CUL2: variants seen among roughly 807,000 people sequenced by gnomAD.
CUL2 encodes the protein cullin 2, also known as cullin-2.
In CUL2, 22 loss-of-function variants were observed where a neutral mutation model predicts 110.2. The observed-to-expected ratio is 0.20, with a 90% CI of 0.14 to 0.28. The LOEUF is 0.28. CUL2 is among the 10% of genes least tolerant of loss of function. The pLI is 1.00. For synonymous variants in CUL2, 279 were observed against 293.2 expected (o/e 0.95, Z 0.49); for missense variants, 631 against 905.5 (o/e 0.70, Z 3.89).
chr10:35,016,148 T>A (rs370753194), intron 18 of CUL2, 44 bp downstream of exon 18: 1 of 1,514,750 alleles, frequency 6.6e-7, no homozygotes, highest in African/African-American at 1.4e-5. Context: ...TGAAAAAGCT[T>A]TAATGCTGAT....
intron 5 of CUL2, among the ~76,000 whole-genome samples, chr10:35,050,465 T>C (rs983138801): frequency 1.3e-5 from 2 of 152,204 alleles, no homozygotes; most frequent in Non-Finnish European, 2.9e-5. Flanking sequence ...TTTTTTTAAT[T>C]ATGAAAAATT....
At chr10:35,120,229 C>T (rs1589073540) in intron 1 of CUL2, among the ~76,000 whole-genome samples, 1 of 152,138 alleles carries the variant, frequency 6.6e-6, no homozygotes, top group East Asian at 1.9e-4. Context: ...ATTGTCATGC[C>T]AGGCTGGGCA....
intron 8 of CUL2, among the ~76,000 whole-genome samples, chr10:35,040,362 T>C (rs1438881421): frequency 2.0e-5 from 3 of 152,074 alleles, no homozygotes; most frequent in African/African-American, 7.2e-5. Flanking sequence ...AACAACAACA[T>C]ATACACAGAC....
chr10:35,021,436 T>A (rs1588954320), intron 17 of CUL2, among the ~76,000 whole-genome samples: 1 of 151,432 alleles, frequency 6.6e-6, no homozygotes, highest in East Asian at 1.9e-4. Context: ...TATGTATGTA[T>A]ATATATACAC....
intron 2 of CUL2, among the ~76,000 whole-genome samples, chr10:35,069,446 T>A (rs987318493): frequency 6.6e-6 from 1 of 151,710 alleles, no homozygotes; most frequent in Non-Finnish European, 1.5e-5. Flanking sequence ...GAGGCTGAGA[T>A]AGGAGGATCT....
intron 1 of CUL2, among the ~76,000 whole-genome samples, chr10:35,119,643 A>ACTG: frequency 6.6e-6 from 1 of 151,752 alleles, no homozygotes; most frequent in Non-Finnish European, 1.5e-5. Context: ...TCCAGGTTAC[A>ACTG]GTCCAGTGGT....
At position 35,016,081 on chromosome 10, in the gene CUL2, G is replaced by A. The variant is rs1041561643; in HGVS notation, c.1887+111C>T. ...GCGTACAGTAACGTAGTGAATACAA[G>A]TGCTTTCCAGAGCACAATAACAATT... On this transcript the variant is annotated intron_variant, in intron 18 of 20. Coordinates refer to ENST00000374749, the MANE Select transcript of CUL2 (RefSeq NM_003591.4). The A allele has an allele frequency of 9.3e-6, 8 of 855,872 alleles. No individual in the cohort carries two copies. The African/African-American group carries it at 1.4e-4, about 14-fold the overall frequency. The allele number at this position is 855,872 out of a possible 1,614,324, so 53.0% of individuals were successfully genotyped here. A position where few individuals can be genotyped will look rare whatever the true frequency, so the allele number is the denominator to read the frequency against.
intron 4 of CUL2, among the ~76,000 whole-genome samples, chr10:35,059,223 G>A (rs1205423693): frequency 1.3e-5 from 2 of 152,184 alleles, no homozygotes; most frequent in Non-Finnish European, 2.9e-5. Flanking sequence ...AATTTCGTAA[G>A]AATTTCTACT....
intron 18 of CUL2, among the ~76,000 whole-genome samples, chr10:35,015,221 A>G (rs993956606): frequency 5.3e-5 from 8 of 150,404 alleles, no homozygotes; most frequent in Non-Finnish European, 1.2e-4. Flanking sequence ...TGAACCCAGG[A>G]GGTGGAGGTT....
At chr10:35,045,885 T>A (rs2085925851) in intron 6 of CUL2, among the ~76,000 whole-genome samples, 1 of 152,206 alleles carries the variant, frequency 6.6e-6, no homozygotes, top group Non-Finnish European at 1.5e-5. Context: ...TAAAATAATT[T>A]CTTCTTTGCA....
Position 35,033,218 on chromosome 10 carries a change from A to C in CUL2, c.1058T>G (p.Leu353Arg). 3 of 1,613,836 alleles carry C rather than the reference A, an allele frequency of 1.9e-6. No individual in the cohort carries two copies. The highest frequency in any genetic ancestry group is 2.5e-6 in the Non-Finnish European group (3 of 1,179,914). The stretch of plus-strand genomic sequence containing the variant: ...ATCACCATTCAAAACAGTGTTGATA[A>C]GCTGAACAAATTTACCATGCACTTC... ...VLEVHGKFVQ[L>R]INTVLNGDQH... The change falls in exon 11 of 21, where the codon CTT becomes CGT. Residue 353 changes from leucine (L) to arginine (R), a missense_variant. Coordinates refer to ENST00000374749, the MANE Select transcript of CUL2 (RefSeq NM_003591.4).
chr10:35,099,578 A>C (rs1306939383), intron 2 of CUL2: 1 of 152,050 alleles, frequency 6.6e-6, no homozygotes, highest in Non-Finnish European at 1.5e-5. Context: ...TAGCTTAGTC[A>C]ACGTGGTGAA....
At chr10:35,117,070 A>G (rs1023037191) in intron 1 of CUL2, among the ~76,000 whole-genome samples, 1 of 150,458 alleles carries the variant, frequency 6.6e-6, no homozygotes, top group Non-Finnish European at 1.5e-5. Context: ...CTTCCTTCAA[A>G]TTACAGAGTA....
In CUL2 at chr10:35,043,911, T is replaced by C. The variant is rs1588989717; in HGVS notation, c.714+655A>G. On this transcript the variant is annotated intron_variant, in intron 8 of 20. Coordinates refer to ENST00000374749, the MANE Select transcript of CUL2 (RefSeq NM_003591.4). ...AGCAAGACCCCATCTCTATAACAAA[T>C]TTTAAAAGTTGCTGGGCGTGGTGGT... Among the ~76,000 whole-genome samples, 16 of 151,836 alleles carry C rather than the reference T, an allele frequency of 1.1e-4. No homozygotes were observed. In the South Asian group the frequency reaches 3.3e-3, roughly 32 times the overall value.
intron 1 of CUL2, among the ~76,000 whole-genome samples, chr10:35,126,251 C>A (rs2087816036): frequency 6.6e-6 from 1 of 152,232 alleles, no homozygotes; most frequent in African/African-American, 2.4e-5. Flanking sequence ...GCGGGCCCAG[C>A]ATGCGGACCA....
At position 35,054,445 on chromosome 10, in the gene CUL2, C is replaced by T; in HGVS notation, c.412G>A (p.Glu138Lys). ...GGVDMNEPLM[E>K]IGELALDMWR... Reference sequence around the variant, plus strand: ...AAAGAATGTCCTACCTCTCCTATTTCCATAAGTGGTTCATTCATATCTACA... The same window carrying T: ...AAAGAATGTCCTACCTCTCCTATTTTCATAAGTGGTTCATTCATATCTACA... The change falls in exon 5 of 21, where the codon GAA (glutamate) becomes AAA (lysine). Residue 138 changes from glutamate (E) to lysine (K), a missense_variant. Physicochemically the swap from Glu to Lys is moderately conservative, Grantham distance 56 (BLOSUM62 1). Around this residue, in one of 3 missense-constraint regions of CUL2, gnomAD observed 338 missense variants for 442.5 expected, o/e 0.76. Transcript: ENST00000374749. The T allele has an allele frequency of 6.4e-7, 1 of 1,561,216 alleles. No homozygotes were observed. The highest frequency in any genetic ancestry group is 8.7e-7 in the Non-Finnish European group (1 of 1,146,032).
intron 17 of CUL2, among the ~76,000 whole-genome samples, chr10:35,020,015 C>T (rs535291610): frequency 5.1e-4 from 78 of 152,284 alleles, no homozygotes; most frequent in Non-Finnish European, 9.6e-4. Context: ...AATAGTGAGA[C>T]AATCTGACAT....
At chr10:35,035,404 C>A in intron 9 of CUL2, 108 bp from the exon 10 acceptor site, 1 of 1,276,888 alleles carries the variant, frequency 7.8e-7, no homozygotes, top group Non-Finnish European at 1.1e-6. Flanking sequence ...GTGCAGAGCA[C>A]CCAGAGAAAA....
intron 1 of CUL2, among the ~76,000 whole-genome samples, chr10:35,105,987 T>G (rs912331402): frequency 1.3e-5 from 2 of 152,136 alleles, no homozygotes; most frequent in African/African-American, 4.8e-5. Context: ...AGATAAAAAT[T>G]TAGAGGGTTG....
Sources: gnomAD v4.1 joint callset for allele counts (sites outside exome capture counted in the v4.1 genomes callset) on GRCh38, gnomAD v4.1.1 for gene constraint, gnomAD v4.1.1 regional missense constraint, MANE v1.5 for transcripts, NCBI Gene and HGNC (gene_info 2026-07-23, HGNC 2026-07-21) for gene names.